Variants in CHN1 observed in about 807,000 individuals in gnomAD.
CHN1 encodes chimerin 1.
CHN1 carries 37 observed loss-of-function variants against 59.5 expected under a neutral mutation model. The observed-to-expected ratio is 0.62, with a 90% CI of 0.48 to 0.82. The LOEUF is 0.82. Ranked by LOEUF, CHN1 falls within the 40% of genes least tolerant of loss-of-function variation. The pLI is 0.00. For synonymous variants in CHN1, 206 were observed against 200.4 expected (o/e 1.03, Z -0.24); for missense variants, 469 against 571.0 (o/e 0.82, Z 1.82).
intron 6 of CHN1, among the ~76,000 whole-genome samples, chr2:174,848,948 G>A (rs145963167): frequency 6.6e-6 from 1 of 152,000 alleles, no homozygotes; most frequent in African/African-American, 2.4e-5. Flanking sequence ...TTTGTCACAT[G>A]ATGACTAAAA....
intron 7 of CHN1, among the ~76,000 whole-genome samples, chr2:174,843,921 GGTGCCTGA>G (rs1686404075): frequency 6.6e-6 from 1 of 151,734 alleles, no homozygotes; most frequent in Admixed American, 6.6e-5. Context: ...TTGCTGGAAG[GGTGCCTGA>G]GTTTTATTTT....
At chr2:174,960,830 T>C (rs1484911402) in intron 1 of CHN1, among the ~76,000 whole-genome samples, 1 of 151,436 alleles carries the variant, frequency 6.6e-6, no homozygotes, top group Admixed American at 6.6e-5. Flanking sequence ...TCAAAAAAAA[T>C]GAAAATAAAA....
At chr2:174,956,859 T>C (rs1690222022) in intron 1 of CHN1, among the ~76,000 whole-genome samples, 1 of 152,152 alleles carries the variant, frequency 6.6e-6, no homozygotes, top group Admixed American at 6.5e-5. Context: ...CATTTCTTAT[T>C]ATTCACAGTA....
intron 5 of CHN1, among the ~76,000 whole-genome samples, chr2:174,884,333 A>G (rs1687830072): frequency 6.6e-6 from 1 of 152,104 alleles, no homozygotes; most frequent in East Asian, 1.9e-4. Flanking sequence ...AATCAAAGCG[A>G]TAACTCAAAA....
chr2:174,802,458 C>T (rs1036969948), intron 11 of CHN1, among the ~76,000 whole-genome samples: 1 of 152,186 alleles, frequency 6.6e-6, no homozygotes. Context: ...GAAGAATGCA[C>T]GGCAGACTTT....
At position 174,846,821 on chromosome 2, in the gene CHN1, AATATT is replaced by A. The variant is rs1443338471; in HGVS notation, c.627+54_627+58del. On this transcript the variant is annotated intron_variant, in intron 7 of 12. Transcript: ENST00000409900. ...TTAAAAAGACATAAGATATTCCTTT[AATATT>A]ATATATTTCAAGTAATATGCATTTC... 5 of 1,386,112 alleles carry A rather than the reference AATATT, an allele frequency of 3.6e-6. No individual in the cohort carries two copies. In the African/African-American group the frequency reaches 5.9e-5, roughly 16 times the overall value. The allele number at this position is 1,386,112 out of a possible 1,614,324, so 85.9% of individuals were successfully genotyped here.
At chr2:174,863,448 C>T (rs376540406) in intron 6 of CHN1, among the ~76,000 whole-genome samples, 42 of 152,224 alleles carry the variant, frequency 2.8e-4, no homozygotes, top group African/African-American at 9.9e-4. Flanking sequence ...TTAAGCCATA[C>T]ATTTAAGAGA....
At chr2:174,812,794 A>G (rs1022428511) in intron 8 of CHN1, among the ~76,000 whole-genome samples, 6 of 152,172 alleles carry the variant, frequency 3.9e-5, no homozygotes, top group African/African-American at 1.4e-4. Context: ...TCAAATAGCC[A>G]AAAAAAAAAC....
chr2:174,971,408 A>G (rs1040974823), intron 1 of CHN1, among the ~76,000 whole-genome samples: 1 of 152,226 alleles, frequency 6.6e-6, no homozygotes, highest in Non-Finnish European at 1.5e-5. Context: ...AAAACTTCTC[A>G]ATTTTAATTT....
intron 1 of CHN1, among the ~76,000 whole-genome samples, chr2:174,953,164 CAAA>C (rs374222966): frequency 2.2e-5 from 2 of 90,544 alleles, no homozygotes; most frequent in African/African-American, 4.2e-5. Context: ...TCCAAGGAAG[CAAA>C]AAAAAAAAAA....
At chr2:174,967,490 T>C (rs1690628887) in intron 1 of CHN1, among the ~76,000 whole-genome samples, 1 of 152,244 alleles carries the variant, frequency 6.6e-6, no homozygotes, top group Admixed American at 6.5e-5. Context: ...TTTCCAATGT[T>C]CGTGTTCCAA....
intron 1 of CHN1, among the ~76,000 whole-genome samples, chr2:174,995,019 G>GA (rs1364748443): frequency 6.6e-6 from 1 of 152,016 alleles, no homozygotes; most frequent in East Asian, 1.9e-4. Context: ...AATAAAGGAA[G>GA]AAAAAACATA....
intron 7 of CHN1, among the ~76,000 whole-genome samples, chr2:174,831,318 G>C (rs188576858): frequency 6.6e-6 from 1 of 152,232 alleles, no homozygotes; most frequent in African/African-American, 2.4e-5. Context: ...ATGTTTTTGA[G>C]GGAGAAGTAT....
intron 2 of CHN1, among the ~76,000 whole-genome samples, chr2:174,948,101 TTCA>T (rs1176710777): frequency 1.3e-5 from 2 of 152,210 alleles, no homozygotes; most frequent in African/African-American, 4.8e-5. Context: ...CAATAAATTG[TTCA>T]TCAAGTCCAA....
intron 6 of CHN1, among the ~76,000 whole-genome samples, chr2:174,866,914 A>G (rs1338302026): frequency 6.6e-6 from 1 of 152,122 alleles, no homozygotes; most frequent in Non-Finnish European, 1.5e-5. Flanking sequence ...ATAAATTTAA[A>G]TTTTTATTAG....
At chr2:174,978,521 G>C (rs558473754) in intron 1 of CHN1, among the ~76,000 whole-genome samples, 2 of 152,308 alleles carry the variant, frequency 1.3e-5, no homozygotes, top group South Asian at 4.1e-4. Context: ...CCCTGATTCA[G>C]GTTAAACATT....
intron 5 of CHN1, among the ~76,000 whole-genome samples, chr2:174,893,219 C>T (rs1688107749): frequency 2.6e-5 from 4 of 152,152 alleles, no homozygotes; most frequent in Admixed American, 2.0e-4. Context: ...ATGTAGAAAA[C>T]CTTAAAGACT....
At chr2:174,841,474 T>C (rs1159055366) in intron 7 of CHN1, among the ~76,000 whole-genome samples, 1 of 152,182 alleles carries the variant, frequency 6.6e-6, no homozygotes, top group East Asian at 1.9e-4. Context: ...TTCTGACCAA[T>C]TTCCTAGTTT....
At chr2:174,927,960 T>C (rs1335027771) in intron 3 of CHN1, among the ~76,000 whole-genome samples, 3 of 152,224 alleles carry the variant, frequency 2.0e-5, no homozygotes, top group Non-Finnish European at 4.4e-5. Context: ...ATAAAGATTA[T>C]ACGTTAAAAA....
Sources: allele counts gnomAD v4.1 joint callset (sites outside exome capture counted in the v4.1 genomes callset), GRCh38; gene constraint gnomAD v4.1.1; transcripts MANE v1.5; gene names NCBI Gene and HGNC (gene_info 2026-07-23, HGNC 2026-07-21).